STK32C: variants seen among roughly 807,000 people sequenced by gnomAD.
STK32C encodes serine/threonine kinase 32C.
Under a neutral mutation model 56.5 loss-of-function variants are expected in STK32C, and 31 were observed. That is an observed-to-expected ratio of 0.55 (90% CI 0.41 to 0.74). STK32C has a LOEUF of 0.74. Among genes scored for constraint, STK32C ranks in the 30% least tolerant of loss-of-function variants. STK32C has a pLI of 0.00. For missense variants in STK32C, 544 were observed against 676.9 expected, an observed-to-expected ratio of 0.80 and a Z score of 2.18; for synonymous variants, 309 against 289.4, an observed-to-expected ratio of 1.07 and a Z score of -0.69.
intron 1 of STK32C, among the ~76,000 whole-genome samples, chr10:132,259,099 G>A (rs987354235): frequency 3.6e-5 from 5 of 140,544 alleles, no homozygotes; most frequent in African/African-American, 5.8e-5. Flanking sequence ...CTGCTGCACC[G>A]GGTACTGGGG....
intron 8 of STK32C, 89 bp downstream of exon 8, chr10:132,224,318 T>G: frequency 1.1e-6 from 1 of 935,908 alleles, no homozygotes; most frequent in East Asian, 2.6e-5. Flanking sequence ...GCACTAACTG[T>G]GCACTGGAGG....
intron 1 of STK32C, chr10:132,330,444 T>C: frequency 1.4e-6 from 1 of 717,162 alleles, no homozygotes. Flanking sequence ...GTGGCTGGCC[T>C]CCCCACGCTC....
chr10:132,224,892 G>A (rs1019381352), intron 7 of STK32C, among the ~76,000 whole-genome samples: 16 of 152,166 alleles, frequency 1.1e-4, no homozygotes, highest in South Asian at 6.2e-4. Context: ...TGGCCTCGCC[G>A]TGGCCACAAG....
intron 3 of STK32C, 81 bp downstream of exon 3, chr10:132,227,896 C>T (rs1261351470): frequency 2.6e-6 from 4 of 1,542,030 alleles, no homozygotes; most frequent in African/African-American, 2.7e-5. Flanking sequence ...CCAAGGAGCA[C>T]CAAGGGCAGG....
chr10:132,256,774 G>A (rs2064139408), intron 1 of STK32C, among the ~76,000 whole-genome samples: 1 of 152,340 alleles, frequency 6.6e-6, no homozygotes, highest in African/African-American at 2.4e-5. Context: ...AGGCCGCCTG[G>A]CCCTGCAGCA....
intron 1 of STK32C, among the ~76,000 whole-genome samples, chr10:132,318,283 G>A (rs1023968961): frequency 4.0e-5 from 6 of 148,714 alleles, no homozygotes; most frequent in African/African-American, 1.5e-4. Flanking sequence ...AAAAGAGAGA[G>A]AGAGAGAGAA....
At chr10:132,306,344 T>A (rs2066059399) in intron 1 of STK32C, among the ~76,000 whole-genome samples, 1 of 152,266 alleles carries the variant, frequency 6.6e-6, no homozygotes. Flanking sequence ...TGAATATTTA[T>A]GTTAAAAACA....
chr10:132,322,415 G>T (rs1374453232), downstream of STK32C, among the ~76,000 whole-genome samples: 3 of 152,132 alleles, frequency 2.0e-5, no homozygotes, highest in African/African-American at 4.8e-5. Flanking sequence ...TGATGAACAG[G>T]ATTATTTCTA....
chr10:132,240,420 G>A (rs891744594), intron 2 of STK32C, among the ~76,000 whole-genome samples: 10 of 152,182 alleles, frequency 6.6e-5, no homozygotes, highest in African/African-American at 2.2e-4. Context: ...TCGCTGAGAC[G>A]GCACAGGGGG....
In STK32C at chr10:132,225,348, AAAG is replaced by A. The variant is rs752035680; in HGVS notation, c.773-15_773-13del. The A allele has an allele frequency of 6.2e-7, 1 of 1,602,694 alleles. No homozygotes were observed. The highest frequency in any genetic ancestry group is 1.7e-5 in the Admixed American group (1 of 58,444). ...GAAGATCTCCGGAGCTTTCCGACAG[AAAG>A]AAGGAAAAACAGCTGCCACGGGGTC... On this transcript the variant is annotated splice_polypyrimidine_tract_variant and intron_variant, in intron 6 of 11. Coordinates refer to ENST00000298630, the MANE Select transcript of STK32C (RefSeq NM_173575.4).
chr10:132,308,301 C>G (rs1016140136), upstream of STK32C, among the ~76,000 whole-genome samples: 21 of 152,114 alleles, frequency 1.4e-4, no homozygotes, highest in Admixed American at 7.2e-4. Context: ...CCCCGGAGGT[C>G]GGCGTCCCTG....
chr10:132,259,558 AGTGT>A (rs912735985), intron 1 of STK32C, among the ~76,000 whole-genome samples: 25 of 152,074 alleles, frequency 1.6e-4, no homozygotes, highest in African/African-American at 6.0e-4. Context: ...GGCGTCTGAA[AGTGT>A]GTGTCACTTC....
chr10:132,326,135 A>G (rs2066495453), intron 1 of STK32C, among the ~76,000 whole-genome samples: 1 of 152,214 alleles, frequency 6.6e-6, no homozygotes, highest in Non-Finnish European at 1.5e-5. Flanking sequence ...GGAAGGGTAA[A>G]GATCCAGTTA....
rs1388385153 is a variant in STK32C, at chr10:132,255,985, G to T, written c.263-10030C>A. Among the ~76,000 whole-genome samples, 1 of 152,222 alleles carries T rather than the reference G, an allele frequency of 6.6e-6. No individual in the cohort carries two copies. The highest frequency in any genetic ancestry group is 1.5e-5 in the Non-Finnish European group (1 of 68,022). The stretch of plus-strand genomic sequence containing the variant: ...CAGCTTGGACTCGCCCGGGTGGCTT[G>T]GCGGCTTCCCGGCATCCCTGGGCAG... On this transcript the variant is annotated intron_variant, in intron 1 of 11. Transcript: ENST00000298630. The surrounding 1 kb of genome is among the most constrained non-coding windows in gnomAD (Gnocchi z 4.6).
chr10:132,312,116 C>G (rs2066234570), upstream of STK32C, among the ~76,000 whole-genome samples: 1 of 152,172 alleles, frequency 6.6e-6, no homozygotes, highest in Non-Finnish European at 1.5e-5. Flanking sequence ...AAGCGATCCT[C>G]CCATCTCAGG....
intron 1 of STK32C, among the ~76,000 whole-genome samples, chr10:132,317,598 T>C (rs2066330594): frequency 6.6e-6 from 1 of 151,878 alleles, no homozygotes; most frequent in Non-Finnish European, 1.5e-5. Flanking sequence ...TCACATGGTG[T>C]GGTGGCATGT....
chr10:132,325,218 T>A (rs1371450530), intron 1 of STK32C, among the ~76,000 whole-genome samples: 1 of 152,076 alleles, frequency 6.6e-6, no homozygotes, highest in Non-Finnish European at 1.5e-5. Context: ...GTTGTTCTCA[T>A]GATAGTGAAT....
intron 1 of STK32C, among the ~76,000 whole-genome samples, chr10:132,259,934 G>A (rs188132233): frequency 6.6e-6 from 1 of 152,340 alleles, no homozygotes; most frequent in Non-Finnish European, 1.5e-5. Flanking sequence ...GGGCTTCGCA[G>A]GGCAGGGGTT....
At chr10:132,220,122 G>A (rs2062588747) in intron 10 of STK32C, among the ~76,000 whole-genome samples, 1 of 152,232 alleles carries the variant, frequency 6.6e-6, no homozygotes, top group Non-Finnish European at 1.5e-5. Context: ...TGGAAGTGAG[G>A]TCTTTGCAGA....
Sources: allele counts gnomAD v4.1 joint callset (sites outside exome capture counted in the v4.1 genomes callset), GRCh38; gene constraint gnomAD v4.1.1; non-coding constraint Gnocchi (gnomAD v3.1); transcripts MANE v1.5; gene names NCBI Gene and HGNC (gene_info 2026-07-23, HGNC 2026-07-21).